The following PCM1 variants were observed in gnomAD, a reference collection of about 807,000 sequenced individuals.
The protein encoded by PCM1 is pericentriolar material 1.
In PCM1, 157 loss-of-function variants were observed where a neutral mutation model predicts 241.9. The observed-to-expected ratio is 0.65, with a 90% CI of 0.57 to 0.74. The LOEUF is 0.74. PCM1 is among the 30% of genes least tolerant of loss of function. PCM1 has a pLI of 0.00. For synonymous variants in PCM1, 1,085 were observed against 784.9 expected (o/e 1.38, Z -6.39); for missense variants, 3,478 against 2,360.1 (o/e 1.47, Z -9.81).
chr8:18,014,196 G>C (rs1478614535), intron 35 of PCM1, among the ~76,000 whole-genome samples, 160 bp downstream of exon 35: 1 of 151,054 alleles, frequency 6.6e-6, no homozygotes, highest in Non-Finnish European at 1.5e-5. Flanking sequence ...ATCCTTTGTA[G>C]AAAACATAAG....
At chr8:17,991,488 A>G (rs1023233412) in intron 27 of PCM1, 54 bp from the exon 28 acceptor site, 1 of 1,431,640 alleles carries the variant, frequency 7.0e-7, no homozygotes, top group Non-Finnish European at 9.5e-7. Context: ...TTTGAGGAAT[A>G]TATGAAAAAG....
rs1238672526 is a variant in PCM1, at chr8:18,028,239, A to C, written c.*577A>C. 5.3e-6 allele frequency: 1 copy of C among 188,198 alleles called. No individual in the cohort carries two copies. The allele number at this position is 188,198 out of a possible 1,614,324, so 11.7% of individuals were successfully genotyped here. On this transcript the variant is annotated 3_prime_UTR_variant, in exon 39 of 39. Coordinates refer to ENST00000325083, the MANE Select transcript of PCM1 (RefSeq NM_006197.4). ...TATCCAGGATACCTATGAAGTTATT[A>C]TAGAATATTTATTAATCCATTGAAA...
intron 29 of PCM1, among the ~76,000 whole-genome samples, chr8:17,999,210 G>A (rs1331878379): frequency 6.6e-6 from 1 of 152,004 alleles, no homozygotes; most frequent in East Asian, 1.9e-4. Flanking sequence ...TTCTCAAGCA[G>A]AAGGAATCTT....
chr8:17,996,380 A>G (rs1282310960), intron 29 of PCM1, among the ~76,000 whole-genome samples: 1 of 152,206 alleles, frequency 6.6e-6, no homozygotes, highest in East Asian at 1.9e-4. Flanking sequence ...TCCCTGGGAT[A>G]AATCCCACTT....
chr8:17,927,943 A>C (rs1281812429), intron 2 of PCM1: 4 of 151,356 alleles, frequency 2.6e-5, no homozygotes, highest in Non-Finnish European at 5.9e-5. Flanking sequence ...CTTTGTAAAA[A>C]AAAAAAAAAA....
intron 38 of PCM1, 47 bp from the exon 39 acceptor site, chr8:18,027,590 A>T: frequency 7.4e-7 from 1 of 1,359,400 alleles, no homozygotes; most frequent in Non-Finnish European, 1.0e-6. Flanking sequence ...GTTAAATTCT[A>T]GTAATTCGAT....
chr8:17,953,745 C>T (rs557007408), intron 9 of PCM1, among the ~76,000 whole-genome samples: 2 of 152,242 alleles, frequency 1.3e-5, no homozygotes, highest in Admixed American at 6.5e-5. Context: ...TTGCTCCACA[C>T]GTGTTTAACC....
At chr8:17,939,034 C>T in intron 5 of PCM1, 25 bp downstream of exon 5, 4 of 1,610,406 alleles carry the variant, frequency 2.5e-6, no homozygotes, top group Non-Finnish European at 2.5e-6. Context: ...TTCTTTTGCT[C>T]ATTCTTTACA....
rs751942028 is a variant in PCM1 at position 17,957,306 on chromosome 8, T to C, written c.1689T>C (p.His563=). Residue 563 remains histidine, a synonymous_variant, in exon 12 of 39, where the codon CAT becomes CAC. Coordinates refer to ENST00000325083, the MANE Select transcript of PCM1 (RefSeq NM_006197.4). ...CCACTTGGAATGAAGTAAATAGTCA[T>C]AGTAATGCACAGTGTGTTTCTAATA... ...VASTWNEVNS[H]SNAQCVSNNR... 1.3e-5 allele frequency: 21 copies of C among 1,610,330 alleles called. 1 individual carries two copies. In the African/African-American group the frequency reaches 2.8e-4, roughly 22 times the overall value.
At chr8:17,999,898 G>T (rs150431157) in intron 29 of PCM1, among the ~76,000 whole-genome samples, 38 of 152,036 alleles carry the variant, frequency 2.5e-4, no homozygotes, top group Non-Finnish European at 4.6e-4. Flanking sequence ...CCTACTTAAT[G>T]CCAGGTTTGG....
chr8:18,024,326 T>G (rs379066), intron 36 of PCM1, among the ~76,000 whole-genome samples: 3 of 152,032 alleles, frequency 2.0e-5, no homozygotes, highest in Non-Finnish European at 4.4e-5. Context: ...TGATTGCCCC[T>G]GCTGCATTCC....
chr8:18,009,979 A>T (rs1304747662), intron 31 of PCM1, among the ~76,000 whole-genome samples: 1 of 152,222 alleles, frequency 6.6e-6, no homozygotes, highest in Non-Finnish European at 1.5e-5. Flanking sequence ...ACATTGTCAG[A>T]TAACCAGTTC....
chr8:18,008,342 A>G (rs1221595640), intron 30 of PCM1, among the ~76,000 whole-genome samples: 2 of 151,078 alleles, frequency 1.3e-5, no homozygotes, highest in African/African-American at 4.9e-5. Context: ...ACTGTCTCCC[A>G]TCACCCCCAT....
chr8:17,948,927 A>C (rs1451260403), intron 7 of PCM1, among the ~76,000 whole-genome samples: 1 of 152,136 alleles, frequency 6.6e-6, no homozygotes, highest in African/African-American at 2.4e-5. Context: ...TCAGAGCTTT[A>C]ATTCTTATTT....
chr8:17,923,478 C>T (rs930334510), intron 1 of PCM1, among the ~76,000 whole-genome samples: 1 of 152,214 alleles, frequency 6.6e-6, no homozygotes, highest in African/African-American at 2.4e-5. Flanking sequence ...GTCGGGGAGG[C>T]TGTTCTGCGT....
At chr8:17,995,360 G>T (rs1241783907) in intron 29 of PCM1, among the ~76,000 whole-genome samples, 2 of 151,100 alleles carry the variant, frequency 1.3e-5, no homozygotes, top group Admixed American at 6.6e-5. Context: ...TTTGTTTCTG[G>T]GTTCTCTGTT....
chr8:17,975,586 T>A (rs1430703272), intron 23 of PCM1, among the ~76,000 whole-genome samples: 2 of 152,042 alleles, frequency 1.3e-5, no homozygotes, highest in African/African-American at 4.8e-5. Flanking sequence ...ATGAGAGGAA[T>A]TGGGAACGGA....
At chr8:17,965,853 C>G (rs2074679409) in intron 18 of PCM1, 146 bp from the exon 19 acceptor site, 1 of 560,736 alleles carries the variant, frequency 1.8e-6, no homozygotes, top group South Asian at 3.1e-5. Context: ...TGGACTTCTC[C>G]CCCCTCTATA....
chr8:17,954,409 A>G (rs1339450766), intron 9 of PCM1, among the ~76,000 whole-genome samples: 9 of 151,214 alleles, frequency 6.0e-5, no homozygotes, highest in Admixed American at 5.9e-4. Context: ...CCTGGGCAAC[A>G]AAAGTGAAAC....
Sources: gnomAD v4.1 joint callset for allele counts (sites outside exome capture counted in the v4.1 genomes callset) on GRCh38, gnomAD v4.1.1 for gene constraint, MANE v1.5 for transcripts, NCBI Gene and HGNC (gene_info 2026-07-23, HGNC 2026-07-21) for gene names.